The following TDRP variants were observed in gnomAD, a reference collection of about 807,000 sequenced individuals.
TDRP encodes testis development related protein, also known as testis development-related protein.
Under a neutral mutation model 10.5 loss-of-function variants are expected in TDRP, and 12 were observed. The observed-to-expected ratio is 1.15, with a 90% CI of 0.73 to 1.86. The LOEUF (loss-of-function observed/expected upper bound fraction) is 1.86. TDRP is among the 40% of genes most tolerant of loss of function. The pLI is 0.00. For missense variants in TDRP, 353 were observed against 229.2 expected (o/e 1.54, Z -3.49); for synonymous variants, 139 against 95.4 (o/e 1.46, Z -2.67).
At chr8:528,332 C>G (rs1373342812) in intron 1 of TDRP, among the ~76,000 whole-genome samples, 1 of 152,142 alleles carries the variant, frequency 6.6e-6, no homozygotes, top group Non-Finnish European at 1.5e-5. Flanking sequence ...AGTACAGCCA[C>G]TATGGAGAAC....
intron 1 of TDRP, among the ~76,000 whole-genome samples, chr8:510,846 ATTC>A (rs1473346311): frequency 6.6e-6 from 1 of 152,214 alleles, no homozygotes; most frequent in Non-Finnish European, 1.5e-5. Flanking sequence ...GTACAGATAC[ATTC>A]TTATTTCTTC....
intron 1 of TDRP, among the ~76,000 whole-genome samples, chr8:496,409 T>C (rs1801137290): frequency 6.6e-6 from 1 of 152,224 alleles, no homozygotes; most frequent in Non-Finnish European, 1.5e-5. Context: ...CCCAGCACTG[T>C]GCAATGCAAT....
chr8:521,552 T>C (rs916324579), intron 1 of TDRP, among the ~76,000 whole-genome samples: 2 of 152,248 alleles, frequency 1.3e-5, no homozygotes, highest in Non-Finnish European at 2.9e-5. Flanking sequence ...ACCATATACA[T>C]GAGGGCTTAT....
chr8:510,754 C>T (rs368935130), intron 1 of TDRP, among the ~76,000 whole-genome samples: 10 of 152,208 alleles, frequency 6.6e-5, no homozygotes, highest in South Asian at 2.1e-4. Context: ...CAGCTGAAAA[C>T]GAGGAACTCC....
rs938075837 is a variant in TDRP at position 544,773 on chromosome 8, G to C, written c.-16C>G. The C allele has an allele frequency of 8.1e-7, 1 of 1,230,988 alleles. No homozygotes were observed. The highest frequency in any genetic ancestry group is 3.2e-5 in the East Asian group (1 of 31,206). The allele number at this position is 1,230,988 out of a possible 1,614,324, so 76.3% of individuals were successfully genotyped here. A position where few individuals can be genotyped will look rare whatever the true frequency, so the allele number is the denominator to read the frequency against. On this transcript the variant is annotated 5_prime_UTR_variant, in exon 1 of 3. Coordinates refer to ENST00000324079, the MANE Select transcript of TDRP (RefSeq NM_001384899.1). Reference sequence around the variant, plus strand: ...GCTTCCACATGGTCAGGCGGGCTCCGGCGTCCCTCCGTCCGTGCGTCGGGC... The same window carrying C: ...GCTTCCACATGGTCAGGCGGGCTCCCGCGTCCCTCCGTCCGTGCGTCGGGC...
chr8:492,566 G>C lies in TDRP; in HGVS notation c.391C>G (p.Pro131Ala). 6.2e-7 allele frequency: 1 copy of C among 1,613,270 alleles called. No individual in the cohort carries two copies. Among genetic ancestry groups the C allele is most frequent in the Non-Finnish European group, 8.5e-7 (1 of 1,179,484 alleles). The stretch of plus-strand genomic sequence containing the variant: ...TCATCCTCCCAGCCTGACCAGGATG[G>C]GTGGCCACCCACGGTGTCCTCAGGG... Reference protein sequence around the residue: ...ADPEDTVGGHPSWSGWEDDAK... With the variant: ...ADPEDTVGGHASWSGWEDDAK... The change falls in exon 3 of 3, where the codon CCA becomes GCA. Residue 131 changes from proline (P) to alanine (A), a missense_variant. Physicochemically the swap from Pro to Ala is conservative, Grantham distance 27. Transcript: ENST00000324079.
chr8:540,146 G>A lies in TDRP; in HGVS notation c.108+4504C>T, dbSNP rs187033596. On this transcript the variant is annotated intron_variant, in intron 1 of 2. Transcript: ENST00000324079. ...TCTGCACTTCTTTTCTCTACTATTT[G>A]CATAAAACTTTGAGGGCAGAGGTTA... 2.0e-5 allele frequency among the ~76,000 whole-genome samples: 3 copies of A among 152,254 alleles called. No homozygotes were observed. In the East Asian group the frequency reaches 5.8e-4, roughly 29 times the overall value.
chr8:505,505 T>G (rs528885174), intron 1 of TDRP, among the ~76,000 whole-genome samples: 3 of 152,330 alleles, frequency 2.0e-5, no homozygotes, highest in Admixed American at 2.0e-4. Context: ...AAATCCAGAC[T>G]GCAGGTGCAG....
intron 1 of TDRP, among the ~76,000 whole-genome samples, chr8:522,535 A>C (rs1801933101): frequency 6.6e-6 from 1 of 152,198 alleles, no homozygotes; most frequent in Non-Finnish European, 1.5e-5. Context: ...TTCCTTGAAA[A>C]GTAAGAAATA....
chr8:536,991 T>C (rs1445755844), intron 1 of TDRP, among the ~76,000 whole-genome samples: 8 of 152,070 alleles, frequency 5.3e-5, no homozygotes, highest in Admixed American at 2.6e-4. Flanking sequence ...CCTACAAATA[T>C]CTGTTTACCC....
Position 492,998 on chromosome 8 carries a change from G to T in TDRP, c.213-254C>A, listed in dbSNP as rs1157827852. On this transcript the variant is annotated intron_variant, in intron 2 of 2. Transcript: ENST00000324079. ...GCAAAGAACTAGTTCTGACAAGAAA[G>T]AAGTATTATCACACAAGAGAGAACC... 2.0e-5 allele frequency among the ~76,000 whole-genome samples: 3 copies of T among 152,150 alleles called. No individual in the cohort carries two copies. In the East Asian group the frequency reaches 5.8e-4, roughly 29 times the overall value.
chr8:499,818 T>C (rs1190757567), intron 1 of TDRP, among the ~76,000 whole-genome samples: 1 of 152,228 alleles, frequency 6.6e-6, no homozygotes, highest in Non-Finnish European at 1.5e-5. Flanking sequence ...AGGCTGGCCC[T>C]TGAGGTGGAG....
At chr8:513,403 T>C (rs1199437071) in intron 1 of TDRP, among the ~76,000 whole-genome samples, 3 of 152,104 alleles carry the variant, frequency 2.0e-5, no homozygotes, top group Non-Finnish European at 4.4e-5. Flanking sequence ...TAAAAAAAAT[T>C]ATATAAGCAT....
At chr8:506,849 T>C (rs550028499) in intron 1 of TDRP, among the ~76,000 whole-genome samples, 1 of 152,094 alleles carries the variant, frequency 6.6e-6, no homozygotes, top group African/African-American at 2.4e-5. Context: ...TTGCACAGAG[T>C]GTAGAGAAGC....
intron 1 of TDRP, among the ~76,000 whole-genome samples, chr8:503,438 C>T (rs548633711): frequency 2.0e-5 from 3 of 146,944 alleles, no homozygotes; most frequent in East Asian, 4.2e-4. Flanking sequence ...CATTGGAACC[C>T]GTGCCCACCT....
chr8:542,941 T>C (rs1248112615), intron 1 of TDRP, among the ~76,000 whole-genome samples: 2 of 150,806 alleles, frequency 1.3e-5, no homozygotes, highest in South Asian at 2.1e-4. Flanking sequence ...CTGCCAGCAA[T>C]TGAATCTAGC....
chr8:536,333 T>C lies in TDRP; in HGVS notation c.108+8317A>G, dbSNP rs17065122. Among the ~76,000 whole-genome samples, 967 of 152,322 alleles carry C rather than the reference T, an allele frequency of 6.3e-3. 10 individuals carry two copies. Among genetic ancestry groups the C allele is most frequent in the African/African-American group, 0.022 (921 of 41,572 alleles). ...GGGAGAAGATTCTAGAGCTGTGCTT[T>C]CCAAATCAGTTGGCATTCACTAAAA... On this transcript the variant is annotated intron_variant, in intron 1 of 2. Transcript: ENST00000324079.
chr8:534,622 T>TA (rs952785347), intron 1 of TDRP, among the ~76,000 whole-genome samples: 12 of 151,942 alleles, frequency 7.9e-5, no homozygotes, highest in South Asian at 4.2e-4. Context: ...CACAAACATG[T>TA]AAAAAAAAGG....
chr8:502,670 G>C (rs1801336692), intron 1 of TDRP, among the ~76,000 whole-genome samples: 1 of 151,962 alleles, frequency 6.6e-6, no homozygotes, highest in Non-Finnish European at 1.5e-5. Context: ...CATCAACACG[G>C]AATCCAGAGC....
Sources: gnomAD v4.1 joint callset for allele counts (sites outside exome capture counted in the v4.1 genomes callset) on GRCh38, gnomAD v4.1.1 for gene constraint, MANE v1.5 for transcripts, NCBI Gene and HGNC (gene_info 2026-07-23, HGNC 2026-07-21) for gene names.